NAV3: variants seen among roughly 807,000 people sequenced by gnomAD.
NAV3 encodes neuron navigator 3.
In NAV3, 87 loss-of-function variants were observed where a neutral mutation model predicts 244.7. That is an observed-to-expected ratio of 0.36 (90% CI 0.30 to 0.42). The LOEUF (loss-of-function observed/expected upper bound fraction) is 0.42. Ranked by LOEUF, NAV3 falls within the 20% of genes least tolerant of loss-of-function variation. The pLI is 1.00. For missense variants in NAV3, 2,663 were observed against 2,893.3 expected, an observed-to-expected ratio of 0.92 and a Z score of 1.83; for synonymous variants, 1,126 against 1,042.2, an observed-to-expected ratio of 1.08 and a Z score of -1.55.
intron 16 of NAV3, 146 bp from the exon 17 acceptor site, chr12:78,127,021 T>G: frequency 1.6e-6 from 1 of 624,938 alleles, no homozygotes; most frequent in Non-Finnish European, 2.8e-6. Flanking sequence ...CTTGTCACCT[T>G]TAGTTGGCCT....
chr12:77,977,756 A>AG (rs1868778847), intron 5 of NAV3, among the ~76,000 whole-genome samples: 1 of 151,194 alleles, frequency 6.6e-6, no homozygotes, highest in Non-Finnish European at 1.5e-5. Context: ...TTCAGAATCA[A>AG]GTAATATACT....
intron 2 of NAV3, among the ~76,000 whole-genome samples, chr12:77,579,253 A>C (rs1240608713): frequency 6.6e-6 from 1 of 152,218 alleles, no homozygotes; most frequent in Non-Finnish European, 1.5e-5. Flanking sequence ...GTGGCTGAAG[A>C]TGGACAGAGC....
chr12:78,032,222 G>A lies in NAV3; in HGVS notation c.2023+10360G>A, dbSNP rs184491628. ...TGTAAAGATTTGCCATACTATTAAA[G>A]AGCAAACTTGAGTGGTTCACATTGC... On this transcript the variant is annotated intron_variant, in intron 9 of 39. Transcript: ENST00000397909. 9.6e-4 allele frequency among the ~76,000 whole-genome samples: 146 copies of A among 152,280 alleles called. 1 individual carries two copies. Among genetic ancestry groups the A allele is most frequent in the Non-Finnish European group, 4.7e-4 (32 of 68,018 alleles).
At chr12:77,704,748 A>G (rs999612291) in intron 2 of NAV3, among the ~76,000 whole-genome samples, 1 of 152,210 alleles carries the variant, frequency 6.6e-6, no homozygotes, top group Non-Finnish European at 1.5e-5. Context: ...TACAAAACAT[A>G]ATCTAAGTAG....
intron 2 of NAV3, among the ~76,000 whole-genome samples, chr12:77,576,367 A>G (rs902855855): frequency 2.0e-5 from 3 of 152,154 alleles, no homozygotes; most frequent in East Asian, 1.9e-4. Context: ...ATCAATGTCA[A>G]TTCACATGGA....
intron 5 of NAV3, among the ~76,000 whole-genome samples, chr12:77,972,591 A>T (rs1395816731): frequency 5.9e-5 from 9 of 151,980 alleles, no homozygotes; most frequent in Non-Finnish European, 1.3e-4. Flanking sequence ...TTTTATTTTG[A>T]AAAAGGTAGA....
chr12:78,030,509 G>A (rs1257745953), intron 9 of NAV3, among the ~76,000 whole-genome samples: 2 of 152,172 alleles, frequency 1.3e-5, no homozygotes, highest in Non-Finnish European at 2.9e-5. Flanking sequence ...TCTGCACTGT[G>A]AATTGCTCCC....
At chr12:78,199,663 C>A in intron 37 of NAV3, 132 bp downstream of exon 37, 1 of 632,772 alleles carries the variant, frequency 1.6e-6, no homozygotes. Flanking sequence ...ATTTTTTTCC[C>A]TTCTGAAAGT....
chr12:78,098,876 T>C (rs1954393331), intron 12 of NAV3, among the ~76,000 whole-genome samples: 1 of 151,326 alleles, frequency 6.6e-6, no homozygotes. Context: ...TGAAAACTAT[T>C]AATATAATTA....
intron 2 of NAV3, among the ~76,000 whole-genome samples, chr12:77,603,087 A>G (rs1354109591): frequency 6.6e-6 from 1 of 151,986 alleles, no homozygotes; most frequent in Non-Finnish European, 1.5e-5. Context: ...GGGAATGGTA[A>G]AAACAATGTT....
Position 78,180,042 on chromosome 12 carries a change from T to A in NAV3, c.5517+360T>A, listed in dbSNP as rs1469100114. 7.2e-5 allele frequency among the ~76,000 whole-genome samples: 11 copies of A among 152,156 alleles called. 1 individual carries two copies. On this transcript the variant is annotated intron_variant, in intron 29 of 39. Coordinates refer to ENST00000397909, the MANE Select transcript of NAV3 (RefSeq NM_001024383.2). ...TTGCCTGTTCTTTTGAAATCTGATT[T>A]TCACATACTTTCACCAGTTTTCTAC...
intron 2 of NAV3, among the ~76,000 whole-genome samples, chr12:77,783,912 G>A (rs995653492): frequency 2.0e-5 from 3 of 152,110 alleles, no homozygotes; most frequent in Non-Finnish European, 4.4e-5. Context: ...TTTCATGGGT[G>A]TGTGTGTCAG....
intron 12 of NAV3, among the ~76,000 whole-genome samples, chr12:78,073,353 A>C (rs567022945): frequency 6.8e-6 from 1 of 147,342 alleles, no homozygotes; most frequent in East Asian, 2.0e-4. Flanking sequence ...AGGATACAAA[A>C]TCAATGTACA....
In NAV3 at chr12:77,762,491, T is replaced by C. The variant is rs943908428; in HGVS notation, c.73-177828T>C. ...GTTGGTGTGCACCTGTAGTCCCAGC[T>C]ACTCAGGAGGCTGTGGCAGGGGAAT... On this transcript the variant is annotated intron_variant, in intron 2 of 8. Transcript: ENST00000550042. Among the ~76,000 whole-genome samples the C allele has an allele frequency of 3.3e-5, 5 of 152,168 alleles. No homozygotes were observed. In the South Asian group the frequency reaches 8.3e-4, roughly 25 times the overall value.
At chr12:77,597,333 C>T (rs1217284692) in intron 2 of NAV3, among the ~76,000 whole-genome samples, 8 of 152,180 alleles carry the variant, frequency 5.3e-5, no homozygotes, top group Non-Finnish European at 1.0e-4. Context: ...TGTGAAATGA[C>T]TTGCTTCTAG....
At chr12:77,721,055 A>T (rs778689525) in intron 2 of NAV3, among the ~76,000 whole-genome samples, 11 of 152,096 alleles carry the variant, frequency 7.2e-5, no homozygotes, top group Non-Finnish European at 1.6e-4. Flanking sequence ...TGGTAATCGG[A>T]GGAGCATGTG....
chr12:77,603,000 C>G (rs1238942944), intron 2 of NAV3, among the ~76,000 whole-genome samples: 3 of 152,018 alleles, frequency 2.0e-5, no homozygotes, highest in Non-Finnish European at 4.4e-5. Context: ...CTAAACACAG[C>G]CAACCCTGGC....
chr12:77,851,067 A>G (rs1281403752), intron 1 of NAV3, among the ~76,000 whole-genome samples: 2 of 152,010 alleles, frequency 1.3e-5, no homozygotes, highest in Admixed American at 1.3e-4. Context: ...GTGTCTTATC[A>G]TTTTTCCTCT....
intron 12 of NAV3, among the ~76,000 whole-genome samples, chr12:78,082,386 A>G (rs1325718748): frequency 2.0e-5 from 3 of 152,182 alleles, no homozygotes; most frequent in Non-Finnish European, 2.9e-5. Flanking sequence ...TATTTTGTCA[A>G]TTTATCACCC....
Sources: gnomAD v4.1 joint callset for allele counts (sites outside exome capture counted in the v4.1 genomes callset) on GRCh38, gnomAD v4.1.1 for gene constraint, MANE v1.5 for transcripts, NCBI Gene and HGNC (gene_info 2026-07-23, HGNC 2026-07-21) for gene names.